The following GPR158 variants were observed in gnomAD, a reference collection of about 807,000 sequenced individuals.
GPR158 encodes the protein metabotropic glycine receptor.
A neutral mutation model predicts 78.2 loss-of-function variants in GPR158; 30 were observed. That is an observed-to-expected ratio of 0.38 (90% CI 0.29 to 0.52). GPR158 has a LOEUF of 0.52. Ranked by LOEUF, GPR158 falls within the 20% of genes least tolerant of loss-of-function variation. The pLI is 0.83. For missense variants in GPR158, 1,463 were observed against 1,523.5 expected, an observed-to-expected ratio of 0.96 and a Z score of 0.66; for synonymous variants, 581 against 591.1, an observed-to-expected ratio of 0.98 and a Z score of 0.25.
chr10:25,557,877 G>A (rs2130718420), intron 6 of GPR158, among the ~76,000 whole-genome samples: 1 of 152,156 alleles, frequency 6.6e-6, no homozygotes, highest in East Asian at 1.9e-4. Flanking sequence ...ATTAACTATT[G>A]GATATGAATA....
rs1394101255 is a variant in GPR158, at chr10:25,446,110, A to AG, written c.1336-20537dup. 3.3e-5 allele frequency among the ~76,000 whole-genome samples: 5 copies of AG among 152,258 alleles called. 1 individual carries two copies. On this transcript the variant is annotated intron_variant, in intron 4 of 10. Coordinates refer to ENST00000376351, the MANE Select transcript of GPR158 (RefSeq NM_020752.3). ...GTATCACCAGGGAAAATTTCAGCTA[A>AG]GGGGTGTCTTGTTCTAAGTCTTTTA... is the stretch of plus-strand genomic sequence containing the variant.
At chr10:25,225,184 T>C (rs75551495) in intron 2 of GPR158, among the ~76,000 whole-genome samples, 1 of 92,810 alleles carries the variant, frequency 1.1e-5, no homozygotes, top group African/African-American at 6.7e-5. Flanking sequence ...AACATTTGCC[T>C]TTTTTTTTTT....
chr10:25,206,262 C>G (rs574415368), intron 1 of GPR158, among the ~76,000 whole-genome samples: 2 of 152,258 alleles, frequency 1.3e-5, no homozygotes, highest in East Asian at 3.9e-4. Context: ...GCTGGGATTA[C>G]AGGCGTGAGC....
At chr10:25,239,963 A>G (rs1588751504) in intron 2 of GPR158, among the ~76,000 whole-genome samples, 1 of 152,234 alleles carries the variant, frequency 6.6e-6, no homozygotes, top group African/African-American at 2.4e-5. Context: ...ATAAAGTAGT[A>G]TAGTATGCAG....
At chr10:25,201,478 G>T (rs1852928675) in intron 1 of GPR158, among the ~76,000 whole-genome samples, 1 of 152,020 alleles carries the variant, frequency 6.6e-6, no homozygotes, top group African/African-American at 2.4e-5. Flanking sequence ...TTCCTATTTG[G>T]ATGTCTTTTA....
chr10:25,181,253 C>T (rs753718177), intron 1 of GPR158, among the ~76,000 whole-genome samples: 7 of 152,300 alleles, frequency 4.6e-5, no homozygotes, highest in Non-Finnish European at 1.0e-4. Context: ...TTTTAAGTCT[C>T]AGTTACATCA....
At chr10:25,471,424 G>A (rs1190943594) in intron 5 of GPR158, among the ~76,000 whole-genome samples, 1 of 152,154 alleles carries the variant, frequency 6.6e-6, no homozygotes, top group Non-Finnish European at 1.5e-5. Context: ...AAATATACGT[G>A]TGCATGTGTC....
chr10:25,434,809 G>A (rs1426272779), intron 4 of GPR158, among the ~76,000 whole-genome samples: 1 of 152,122 alleles, frequency 6.6e-6, no homozygotes, highest in Admixed American at 6.6e-5. Context: ...CTCTGTATAA[G>A]GGAGATAATA....
chr10:25,598,313 C>T lies in GPR158; in HGVS notation c.2687C>T (p.Thr896Ile), dbSNP rs984229358. ...SSEKKTGHPR[T>I]SMLQKSLSVI... ...GAGAAGAAAACTGGGCACCCACGAA[C>T]ATCGATGTTACAGAAGTCTCTCAGT... The change falls in exon 11 of 11, where the codon ACA becomes ATA. Residue 896 changes from threonine (T) to isoleucine (I), a missense_variant. Physicochemically the swap from Thr to Ile is moderately conservative, Grantham distance 89. Coordinates refer to ENST00000376351, the MANE Select transcript of GPR158 (RefSeq NM_020752.3). 8 of 1,613,976 alleles carry T rather than the reference C, an allele frequency of 5.0e-6. No homozygotes were observed. In the Admixed American group the frequency reaches 1.2e-4, roughly 24 times the overall value.
At chr10:25,264,665 A>G (rs1416427401) in intron 2 of GPR158, among the ~76,000 whole-genome samples, 8 of 152,232 alleles carry the variant, frequency 5.3e-5, no homozygotes, top group Non-Finnish European at 1.0e-4. Context: ...AGGGAGAACC[A>G]GAATAAAGGC....
chr10:25,338,604 A>ATATAATACATATTATATATATTATTATG, intron 2 of GPR158, among the ~76,000 whole-genome samples: 1 of 146,234 alleles, frequency 6.8e-6, no homozygotes, highest in Non-Finnish European at 1.5e-5. Context: ...ATATTATTAT[A>ATATAATACATATTATATATATTATTATG]TATAAAAAAT....
chr10:25,205,031 T>C (rs1399839689), intron 1 of GPR158, among the ~76,000 whole-genome samples: 2 of 152,054 alleles, frequency 1.3e-5, no homozygotes, highest in African/African-American at 4.8e-5. Context: ...GACCTGATGA[T>C]TTTATAAGGG....
intron 4 of GPR158, among the ~76,000 whole-genome samples, chr10:25,443,253 TA>T (rs1021250743): frequency 2.6e-5 from 4 of 152,030 alleles, no homozygotes; most frequent in African/African-American, 9.7e-5. Flanking sequence ...GCTTGGCTAT[TA>T]AAAAAAATTT....
chr10:25,189,700 G>T (rs1292727275), intron 1 of GPR158, among the ~76,000 whole-genome samples: 3 of 151,686 alleles, frequency 2.0e-5, no homozygotes, highest in African/African-American at 7.3e-5. Context: ...ATGAGTTAAT[G>T]GGTGCAGCAC....
chr10:25,464,035 G>A (rs193006725), intron 4 of GPR158, among the ~76,000 whole-genome samples: 2 of 152,102 alleles, frequency 1.3e-5, no homozygotes, highest in Admixed American at 6.6e-5. Context: ...AAAAAAGTGC[G>A]CATTTTGAAC....
intron 2 of GPR158, among the ~76,000 whole-genome samples, chr10:25,312,424 T>G (rs769463317): frequency 6.6e-6 from 1 of 152,126 alleles, no homozygotes; most frequent in Non-Finnish European, 1.5e-5. Flanking sequence ...AGATACAAGT[T>G]TTCTTAAACT....
At chr10:25,433,581 G>A (rs1463657032) in intron 4 of GPR158, among the ~76,000 whole-genome samples, 3 of 145,154 alleles carry the variant, frequency 2.1e-5, no homozygotes, top group Admixed American at 6.8e-5. Context: ...GCGCGCGCGC[G>A]TGCGCGTGCG....
At chr10:25,341,818 T>C (rs1386471414) in intron 2 of GPR158, among the ~76,000 whole-genome samples, 3 of 151,470 alleles carry the variant, frequency 2.0e-5, no homozygotes, top group Non-Finnish European at 4.4e-5. Flanking sequence ...AAGTCCATCC[T>C]TTATATGTAT....
At chr10:25,425,104 C>T (rs1834801887) in intron 4 of GPR158, among the ~76,000 whole-genome samples, 1 of 152,062 alleles carries the variant, frequency 6.6e-6, no homozygotes, top group Non-Finnish European at 1.5e-5. Flanking sequence ...CTTCACATCC[C>T]TTGTAAGCTA....
Sources: allele counts gnomAD v4.1 joint callset (sites outside exome capture counted in the v4.1 genomes callset), GRCh38; gene constraint gnomAD v4.1.1; transcripts MANE v1.5; gene names NCBI Gene and HGNC (gene_info 2026-07-23, HGNC 2026-07-21).